Variants in NOL4 observed in about 807,000 individuals in gnomAD.
NOL4 encodes the protein nucleolar protein 4.
NOL4 carries 17 observed loss-of-function variants against 75.9 expected under a neutral mutation model. The observed-to-expected ratio is 0.22, with a 90% CI of 0.15 to 0.34. The LOEUF is 0.34. NOL4 is among the 10% of genes least tolerant of loss of function. The probability of loss-of-function intolerance (pLI) is 1.00; values close to 1 mark genes in which losing one functional copy is unlikely to be tolerated. For missense variants in NOL4, 614 were observed against 793.5 expected, an observed-to-expected ratio of 0.77 and a Z score of 2.72; for synonymous variants, 292 against 289.9, an observed-to-expected ratio of 1.01 and a Z score of -0.07.
intron 6 of NOL4, among the ~76,000 whole-genome samples, chr18:33,973,479 C>T (rs775750075): frequency 4.6e-5 from 7 of 152,118 alleles, no homozygotes; most frequent in Admixed American, 6.6e-5. Flanking sequence ...ATGTTTATAA[C>T]GGTATATGGA....
chr18:33,914,655 T>G (rs575392507), intron 9 of NOL4, among the ~76,000 whole-genome samples: 1 of 152,024 alleles, frequency 6.6e-6, no homozygotes, highest in East Asian at 1.9e-4. Flanking sequence ...GTGGGCAGAT[T>G]GACTTTTGGA....
Position 34,025,515 on chromosome 18 carries a change from G to A in NOL4, c.773-5914C>T, listed in dbSNP as rs191609607. On this transcript the variant is annotated intron_variant, in intron 5 of 10. Coordinates refer to ENST00000261592, the MANE Select transcript of NOL4 (RefSeq NM_003787.5). Reference sequence around the variant, plus strand: ...GAAGAATTGTCAAAACCATCAAAGTGTGTCCTCTGGGTCCTGCATGTTCTC... The same window carrying A: ...GAAGAATTGTCAAAACCATCAAAGTATGTCCTCTGGGTCCTGCATGTTCTC... 2.5e-3 allele frequency among the ~76,000 whole-genome samples: 373 copies of A among 152,230 alleles called. 4 individuals are homozygous for A. The highest frequency in any genetic ancestry group is 7.7e-3 in the African/African-American group (318 of 41,544).
intron 1 of NOL4, among the ~76,000 whole-genome samples, chr18:34,131,023 G>T (rs570935960): frequency 6.6e-6 from 1 of 151,406 alleles, no homozygotes; most frequent in East Asian, 1.9e-4. Context: ...ACATGAAAGG[G>T]CTTCCTGCTT....
chr18:33,870,009 G>A (rs2063618761), intron 10 of NOL4, among the ~76,000 whole-genome samples: 1 of 151,982 alleles, frequency 6.6e-6, no homozygotes, highest in Admixed American at 6.6e-5. Context: ...TTATTAAGTT[G>A]CTTAGAAAGC....
chr18:34,011,922 A>T (rs1013281428), intron 6 of NOL4, among the ~76,000 whole-genome samples: 1 of 151,906 alleles, frequency 6.6e-6, no homozygotes, highest in Admixed American at 6.6e-5. Flanking sequence ...CAAAATGCAC[A>T]TTTCACCGAA....
intron 5 of NOL4, among the ~76,000 whole-genome samples, chr18:34,029,665 G>A (rs939625277): frequency 4.6e-5 from 7 of 152,094 alleles, no homozygotes; most frequent in Non-Finnish European, 7.4e-5. Context: ...TGCCATGCGA[G>A]GAAACCATGC....
At chr18:34,130,655 C>G (rs1435075384) in intron 1 of NOL4, among the ~76,000 whole-genome samples, 2 of 151,952 alleles carry the variant, frequency 1.3e-5, no homozygotes, top group African/African-American at 4.8e-5. Flanking sequence ...CAGTTTTTCT[C>G]TCCTATAAAA....
At chr18:34,163,268 G>C (rs1449333549) in intron 1 of NOL4, among the ~76,000 whole-genome samples, 1 of 151,296 alleles carries the variant, frequency 6.6e-6, no homozygotes, top group Non-Finnish European at 1.5e-5. Context: ...AGGAAATAAA[G>C]GGTATTCAAT....
At chr18:33,932,330 G>T (rs908552779) in intron 9 of NOL4, among the ~76,000 whole-genome samples, 2 of 151,862 alleles carry the variant, frequency 1.3e-5, no homozygotes, top group African/African-American at 2.4e-5. Flanking sequence ...ATGTTTTTTA[G>T]GATTAGGAAT....
At chr18:34,137,957 C>T (rs1249551028) in intron 1 of NOL4, among the ~76,000 whole-genome samples, 3 of 151,976 alleles carry the variant, frequency 2.0e-5, no homozygotes, top group Non-Finnish European at 4.4e-5. Context: ...TGTGGCATAA[C>T]CATACAAAGG....
chr18:34,097,043 G>C (rs1198895027), intron 4 of NOL4, among the ~76,000 whole-genome samples: 1 of 152,078 alleles, frequency 6.6e-6, no homozygotes, highest in Non-Finnish European at 1.5e-5. Context: ...CCTAAACTAT[G>C]TAGTAATAGT....
At chr18:33,941,251 C>A (rs998675083) in intron 9 of NOL4, among the ~76,000 whole-genome samples, 1 of 151,846 alleles carries the variant, frequency 6.6e-6, no homozygotes, top group Non-Finnish European at 1.5e-5. Context: ...CAGCTGATGA[C>A]CAGCTTTGGG....
At chr18:34,062,752 T>C (rs1459781033) in intron 5 of NOL4, among the ~76,000 whole-genome samples, 2 of 152,106 alleles carry the variant, frequency 1.3e-5, no homozygotes, top group African/African-American at 4.8e-5. Context: ...TCTATAGCTA[T>C]TGTCATAGAA....
chr18:34,098,274 C>T (rs1345138026), intron 4 of NOL4, among the ~76,000 whole-genome samples: 1 of 152,116 alleles, frequency 6.6e-6, no homozygotes, highest in African/African-American at 2.4e-5. Context: ...AGGGAGCTTC[C>T]ACTTCCTGTC....
At chr18:34,044,308 C>T (rs1319300885) in intron 5 of NOL4, among the ~76,000 whole-genome samples, 1 of 151,904 alleles carries the variant, frequency 6.6e-6, no homozygotes, top group Non-Finnish European at 1.5e-5. Flanking sequence ...ATACTTTTAT[C>T]TTTAACTAAT....
intron 8 of NOL4, among the ~76,000 whole-genome samples, chr18:33,954,851 C>G (rs1220201599): frequency 6.6e-6 from 1 of 151,570 alleles, no homozygotes; most frequent in Non-Finnish European, 1.5e-5. Flanking sequence ...GATCCAGATC[C>G]CTGAAGTGGA....
chr18:34,185,728 T>C (rs114884396), intron 1 of NOL4, among the ~76,000 whole-genome samples: 9 of 152,262 alleles, frequency 5.9e-5, no homozygotes, highest in African/African-American at 2.2e-4. Flanking sequence ...ATGAGCTTTG[T>C]ACCTCTCATT....
chr18:33,878,324 A>G (rs1307078976), intron 10 of NOL4, among the ~76,000 whole-genome samples: 2 of 152,008 alleles, frequency 1.3e-5, no homozygotes, highest in Admixed American at 1.3e-4. Flanking sequence ...CCTTATTTGT[A>G]TACGTTATCT....
In NOL4 at chr18:34,078,433, G is replaced by C. The variant is rs143591125; in HGVS notation, c.772+15032C>G. 2.0e-5 allele frequency among the ~76,000 whole-genome samples: 3 copies of C among 152,272 alleles called. No homozygotes were observed. The East Asian group carries it at 5.8e-4, about 29-fold the overall frequency. On this transcript the variant is annotated intron_variant, in intron 5 of 10. Coordinates refer to ENST00000261592, the MANE Select transcript of NOL4 (RefSeq NM_003787.5). ...CAACGCCATTTCTGATGTGAAACTA[G>C]ATGTCATGGACATAAAAATTACCTC...
Sources: gnomAD v4.1 joint callset for allele counts (sites outside exome capture counted in the v4.1 genomes callset) on GRCh38, gnomAD v4.1.1 for gene constraint, MANE v1.5 for transcripts, NCBI Gene and HGNC (gene_info 2026-07-23, HGNC 2026-07-21) for gene names.